The following MIER1 variants were observed in gnomAD, a reference collection of about 807,000 sequenced individuals.
The protein encoded by MIER1 is mesoderm induction early response protein 1.
In MIER1, 40 loss-of-function variants were observed where a neutral mutation model predicts 75.7. That is an observed-to-expected ratio of 0.53 (90% CI 0.41 to 0.69). MIER1 has a LOEUF of 0.69. Among genes scored for constraint, MIER1 ranks in the 30% least tolerant of loss-of-function variants. MIER1 has a pLI of 0.00. For synonymous variants in MIER1, 213 were observed against 223.4 expected (o/e 0.95, Z 0.42); for missense variants, 574 against 680.2 (o/e 0.84, Z 1.74).
chr1:66,949,324 A>C (rs910467798), intron 4 of MIER1, among the ~76,000 whole-genome samples: 2 of 152,176 alleles, frequency 1.3e-5, no homozygotes, highest in African/African-American at 4.8e-5. Context: ...GAAAATTACT[A>C]ATGGGCTGTG....
At chr1:66,963,050 C>T in intron 7 of MIER1, 38 bp from the exon 8 acceptor site, 1 of 1,343,172 alleles carries the variant, frequency 7.4e-7, no homozygotes, top group Non-Finnish European at 1.1e-6. Context: ...AAATCTGTTA[C>T]TAGATCTTAC....
rs1361688075 is a variant in MIER1 at position 66,986,514 on chromosome 1, G to A, written c.*1614G>A. 1.4e-6 allele frequency: 2 copies of A among 1,398,148 alleles called. No individual in the cohort carries two copies. Among genetic ancestry groups the A allele is most frequent in the Admixed American group, 3.4e-5 (2 of 58,176 alleles). 86.6% of individuals were successfully genotyped at this position (1,398,148 alleles called of 1,614,324 possible). On this transcript the variant is annotated 3_prime_UTR_variant, in exon 14 of 14. Coordinates refer to ENST00000401041, the MANE Select transcript of MIER1 (RefSeq NM_001077700.3). ...GTTTTTAATGGCTCAACTGTCTGAT[G>A]TAATTGAGTGAAGGTTTGCACTGAG... is the stretch of plus-strand genomic sequence containing the variant.
chr1:66,934,429 G>C (rs975190026), intron 2 of MIER1, among the ~76,000 whole-genome samples: 6 of 146,272 alleles, frequency 4.1e-5, no homozygotes, highest in Admixed American at 1.4e-4. Flanking sequence ...TTTGAGACAG[G>C]GTCTCTCTCT....
chr1:66,947,712 C>A, intron 4 of MIER1: 1 of 152,866 alleles, frequency 6.5e-6, no homozygotes, highest in Non-Finnish European at 1.5e-5. Flanking sequence ...TATCAACCTC[C>A]CAGCTTCCTG....
At chr1:66,956,516 A>G (rs970091337) in intron 4 of MIER1, among the ~76,000 whole-genome samples, 1 of 152,188 alleles carries the variant, frequency 6.6e-6, no homozygotes, top group African/African-American at 2.4e-5. Flanking sequence ...CCAGATTCCC[A>G]AATACCAATG....
chr1:66,949,151 G>A (rs1240075827), intron 4 of MIER1, among the ~76,000 whole-genome samples: 1 of 151,950 alleles, frequency 6.6e-6, no homozygotes, highest in African/African-American at 2.4e-5. Flanking sequence ...GCCATCTGTG[G>A]GATAAAAGGT....
At chr1:66,961,150 C>T (rs947854087) in intron 7 of MIER1, among the ~76,000 whole-genome samples, 1 of 152,028 alleles carries the variant, frequency 6.6e-6, no homozygotes, top group African/African-American at 2.4e-5. Context: ...AGAGTAAATG[C>T]AGATTGTTTT....
intron 2 of MIER1, among the ~76,000 whole-genome samples, chr1:66,939,753 C>T (rs756000256): frequency 4.6e-5 from 7 of 152,062 alleles, no homozygotes; most frequent in Non-Finnish European, 1.0e-4. Flanking sequence ...ATGAAGCCCA[C>T]ATGTACCTTT....
chr1:66,944,411 A>T (rs868718941), intron 3 of MIER1, among the ~76,000 whole-genome samples: 29 of 150,310 alleles, frequency 1.9e-4, no homozygotes, highest in African/African-American at 5.1e-4. Context: ...GGGATATTTT[A>T]CATAGTCTGT....
At chr1:66,961,754 G>A (rs1225916163) in intron 7 of MIER1, among the ~76,000 whole-genome samples, 1 of 152,162 alleles carries the variant, frequency 6.6e-6, no homozygotes, top group African/African-American at 2.4e-5. Flanking sequence ...GGTGAGTTAA[G>A]TTAAAAGAGG....
At chr1:66,964,854 C>T (rs113921725) in intron 8 of MIER1, among the ~76,000 whole-genome samples, 1 of 152,110 alleles carries the variant, frequency 6.6e-6, no homozygotes, top group Admixed American at 6.5e-5. Context: ...ACTTAATATA[C>T]ACAAAGGCCT....
chr1:66,976,656 G>A lies in MIER1; in HGVS notation c.1163G>A (p.Arg388His). The change falls in exon 12 of 14, where the codon CGT becomes CAT. Residue 388 changes from arginine to histidine, a missense_variant. Physicochemically the swap from Arg to His is conservative, Grantham distance 29. Coordinates refer to ENST00000401041, the MANE Select transcript of MIER1 (RefSeq NM_001077700.3). The part of the protein sequence containing the change: ...AFYYMWKKSE[R>H]YDFFAQQTRF... ...TATTACATGTGGAAAAAATCTGAAC[G>A]TTATGATTTCTTTGCTCAGCAAACA... The A allele has an allele frequency of 6.2e-7, 1 of 1,606,940 alleles. No individual in the cohort carries two copies. Among genetic ancestry groups the A allele is most frequent in the Non-Finnish European group, 8.5e-7 (1 of 1,176,726 alleles).
chr1:66,961,870 C>T (rs1395139854), intron 7 of MIER1, among the ~76,000 whole-genome samples: 1 of 152,184 alleles, frequency 6.6e-6, no homozygotes, highest in Admixed American at 6.5e-5. Context: ...TTTTAGAAAA[C>T]TGATCATGAG....
chr1:66,963,507 C>G (rs947537307), intron 8 of MIER1, among the ~76,000 whole-genome samples: 2 of 152,174 alleles, frequency 1.3e-5, no homozygotes, highest in Non-Finnish European at 2.9e-5. Flanking sequence ...TTTTAGAAGT[C>G]CATTTTATAT....
In MIER1 at chr1:66,954,879, T is replaced by C. The variant is rs193181765; in HGVS notation, c.340-3180T>C. On this transcript the variant is annotated intron_variant, in intron 4 of 13. Transcript: ENST00000401041. ...GCACCACCATGCCTGGCTAATTGTT[T>C]TGTAATTTTAGTGGAGATGGGGTTT... Among the ~76,000 whole-genome samples the C allele has an allele frequency of 5.5e-4, 84 of 152,114 alleles. 4 individuals are homozygous for C. Among genetic ancestry groups the C allele is most frequent in the Non-Finnish European group, 1.6e-4 (11 of 67,988 alleles).
chr1:66,974,425 G>GTTTT (rs560980878), intron 11 of MIER1, among the ~76,000 whole-genome samples: 1 of 148,716 alleles, frequency 6.7e-6, no homozygotes, highest in African/African-American at 2.5e-5. Flanking sequence ...TTTGGATGAG[G>GTTTT]TTTTTTTTTT....
chr1:66,932,461 C>CA (rs1174997056), intron 2 of MIER1, among the ~76,000 whole-genome samples: 2 of 151,976 alleles, frequency 1.3e-5, no homozygotes, highest in Non-Finnish European at 2.9e-5. Context: ...CTGTGTCCTA[C>CA]AAAAAAATCT....
Position 66,927,467 on chromosome 1 carries a change from A to G in MIER1, c.168+1225A>G, listed in dbSNP as rs956367761. 8.5e-5 allele frequency among the ~76,000 whole-genome samples: 13 copies of G among 152,188 alleles called. 1 individual carries two copies. The highest frequency in any genetic ancestry group is 6.5e-5 in the Admixed American group (1 of 15,292). ...AGTGTAATAATTTTAAGCAGACACA[A>G]TTAATGGTGCATTTTCTTATGCCTT... On this transcript the variant is annotated intron_variant, in intron 2 of 13. Transcript: ENST00000401041.
intron 12 of MIER1, among the ~76,000 whole-genome samples, chr1:66,978,182 C>A (rs1480392691): frequency 2.7e-5 from 4 of 145,826 alleles, no homozygotes; most frequent in Non-Finnish European, 6.0e-5. Flanking sequence ...GGCAACAGAG[C>A]GAAACTCCAT....
Sources: allele counts gnomAD v4.1 joint callset (sites outside exome capture counted in the v4.1 genomes callset), GRCh38; gene constraint gnomAD v4.1.1; transcripts MANE v1.5; gene names NCBI Gene and HGNC (gene_info 2026-07-23, HGNC 2026-07-21).